HHAT: variants seen among roughly 807,000 people sequenced by gnomAD.
HHAT encodes protein-cysteine N-palmitoyltransferase HHAT.
Under a neutral mutation model 70.8 loss-of-function variants are expected in HHAT, and 47 were observed. The ratio of observed to expected loss-of-function variants is 0.66; its 90% CI spans 0.53 to 0.85. HHAT has a LOEUF of 0.85. Among genes scored for constraint, HHAT ranks in the 40% least tolerant of loss-of-function variants. The pLI is 0.00. For synonymous variants in HHAT, 228 were observed against 247.6 expected (o/e 0.92, Z 0.74); for missense variants, 609 against 604.8 (o/e 1.01, Z -0.07).
At chr1:210,485,343 G>A (rs947043385) in intron 8 of HHAT, among the ~76,000 whole-genome samples, 3 of 152,156 alleles carry the variant, frequency 2.0e-5, no homozygotes, top group Admixed American at 6.5e-5. Flanking sequence ...AGGGTCAGCC[G>A]CAATAGACTT....
intron 11 of HHAT, among the ~76,000 whole-genome samples, chr1:210,648,562 T>G (rs543149076): frequency 6.6e-6 from 1 of 152,282 alleles, no homozygotes; most frequent in South Asian, 2.1e-4. Flanking sequence ...AGGTCTTAAA[T>G]TTTTTCCTCC....
chr1:210,668,934 C>T (rs1385944162), intron 11 of HHAT, among the ~76,000 whole-genome samples: 1 of 152,054 alleles, frequency 6.6e-6, no homozygotes, highest in African/African-American at 2.4e-5. Context: ...CCACCACACC[C>T]CGCTAATTTT....
intron 11 of HHAT, among the ~76,000 whole-genome samples, chr1:210,638,838 A>G (rs1237226387): frequency 6.6e-6 from 1 of 151,960 alleles, no homozygotes; most frequent in East Asian, 1.9e-4. Context: ...CCGGGAGGCC[A>G]AGGTTGCAGT....
At chr1:210,574,945 G>C (rs1657301620) in intron 9 of HHAT, among the ~76,000 whole-genome samples, 1 of 152,222 alleles carries the variant, frequency 6.6e-6, no homozygotes, top group African/African-American at 2.4e-5. Context: ...ACCGGCAGGA[G>C]TGGCACTGAA....
chr1:210,671,665 C>T (rs1680109055), intron 11 of HHAT, among the ~76,000 whole-genome samples: 1 of 152,200 alleles, frequency 6.6e-6, no homozygotes, highest in Non-Finnish European at 1.5e-5. Flanking sequence ...ATCCTAGGAG[C>T]CACCAGAAGC....
intron 10 of HHAT, among the ~76,000 whole-genome samples, chr1:210,618,405 G>A (rs573828042): frequency 6.6e-6 from 1 of 152,220 alleles, no homozygotes; most frequent in Admixed American, 6.5e-5. Context: ...CCTCTGGTTA[G>A]CATTTTTATT....
chr1:210,393,078 C>A (rs2091559738), intron 4 of HHAT, among the ~76,000 whole-genome samples: 1 of 152,040 alleles, frequency 6.6e-6, no homozygotes, highest in South Asian at 2.1e-4. Flanking sequence ...AGCTGTGTAA[C>A]CTTAAACAAG....
intron 1 of HHAT, among the ~76,000 whole-genome samples, chr1:210,341,556 C>T (rs998487688): frequency 2.6e-5 from 4 of 152,128 alleles, no homozygotes; most frequent in Non-Finnish European, 5.9e-5. Context: ...CTTCTCTGTC[C>T]GTGGGTAGAT....
chr1:210,456,498 T>A (rs1240461069), intron 7 of HHAT, among the ~76,000 whole-genome samples: 1 of 152,228 alleles, frequency 6.6e-6, no homozygotes, highest in African/African-American at 2.4e-5. Flanking sequence ...GCCATCAACA[T>A]GCACAACCAA....
chr1:210,492,930 C>G (rs959509911), intron 8 of HHAT, among the ~76,000 whole-genome samples: 16 of 152,108 alleles, frequency 1.1e-4, no homozygotes, highest in African/African-American at 2.4e-5. Context: ...TTCGGGATCT[C>G]ATTTCTTAGA....
chr1:210,526,353 C>T lies in HHAT; in HGVS notation c.1043+13165C>T, dbSNP rs991821755. Among the ~76,000 whole-genome samples the T allele has an allele frequency of 2.6e-4, 23 of 89,164 alleles. No individual in the cohort carries two copies. In the Admixed American group the frequency reaches 2.7e-3, roughly 10 times the overall value. 58.5% of individuals were successfully genotyped at this position (89,164 alleles called of 152,430 possible). The stretch of plus-strand genomic sequence containing the variant: ...TGCCTAACCTTCCTTAATAAACTAA[C>T]CAGAGTGGGTTCTGTTTTTTTTTTT... On this transcript the variant is annotated intron_variant, in intron 9 of 11. Coordinates refer to ENST00000261458, the MANE Select transcript of HHAT (RefSeq NM_018194.6).
chr1:210,611,093 T>C (rs1277089976), intron 10 of HHAT, among the ~76,000 whole-genome samples: 1 of 152,198 alleles, frequency 6.6e-6, no homozygotes, highest in African/African-American at 2.4e-5. Flanking sequence ...AATCTATGAA[T>C]TACTTTGGGC....
At chr1:210,360,611 A>C (rs2148015504) in intron 2 of HHAT, among the ~76,000 whole-genome samples, 1 of 152,216 alleles carries the variant, frequency 6.6e-6, no homozygotes, top group East Asian at 1.9e-4. Flanking sequence ...CGCCTGGCCG[A>C]GGACAGATTT....
chr1:210,349,898 G>C (rs565602460), intron 2 of HHAT, among the ~76,000 whole-genome samples: 1 of 152,230 alleles, frequency 6.6e-6, no homozygotes, highest in Admixed American at 6.5e-5. Context: ...TGATCCTCCT[G>C]CCTCAGCCTC....
intron 8 of HHAT, among the ~76,000 whole-genome samples, chr1:210,487,465 A>G (rs1392983281): frequency 6.6e-6 from 1 of 152,146 alleles, no homozygotes; most frequent in Admixed American, 6.6e-5. Context: ...TCTGAAGGGA[A>G]GTTCACAGTG....
At chr1:210,527,269 T>C (rs1356502892) in intron 9 of HHAT, among the ~76,000 whole-genome samples, 1 of 151,112 alleles carries the variant, frequency 6.6e-6, no homozygotes, top group East Asian at 2.1e-4. Flanking sequence ...CCTTGCAGCA[T>C]GCTGTGTGGT....
chr1:210,581,997 A>G (rs186503468), intron 9 of HHAT, among the ~76,000 whole-genome samples: 1 of 152,322 alleles, frequency 6.6e-6, no homozygotes, highest in Admixed American at 6.5e-5. Flanking sequence ...AATGACACCC[A>G]TAATAGACAC....
At chr1:210,660,179 C>T (rs1336345757) in intron 11 of HHAT, among the ~76,000 whole-genome samples, 4 of 152,100 alleles carry the variant, frequency 2.6e-5, no homozygotes, top group Non-Finnish European at 4.4e-5. Context: ...TTGTCTCAGC[C>T]GAAAATCTCC....
At position 210,398,311 on chromosome 1, in the gene HHAT, A is replaced by G. The variant is rs12022486; in HGVS notation, c.274-2157A>G. 2.0e-5 allele frequency among the ~76,000 whole-genome samples: 3 copies of G among 152,288 alleles called. No homozygotes were observed. In the East Asian group the frequency reaches 5.8e-4, roughly 29 times the overall value. On this transcript the variant is annotated intron_variant, in intron 4 of 11. Transcript: ENST00000261458. ...GTAGAGTTGCTTGTACTTGGGGAGA[A>G]TCAATGGGTAATATTAAGATGGGTA...
Sources: allele counts gnomAD v4.1 joint callset (sites outside exome capture counted in the v4.1 genomes callset), GRCh38; gene constraint gnomAD v4.1.1; transcripts MANE v1.5; gene names NCBI Gene and HGNC (gene_info 2026-07-23, HGNC 2026-07-21).